Variants in CAMK1D observed in about 807,000 individuals in gnomAD.
The protein encoded by CAMK1D is calcium/calmodulin-dependent protein kinase type 1D.
A neutral mutation model predicts 47.7 loss-of-function variants in CAMK1D; 9 were observed. The ratio of observed to expected loss-of-function variants is 0.19; its 90% CI spans 0.11 to 0.33. The LOEUF is 0.33. Among genes scored for constraint, CAMK1D ranks in the 10% least tolerant of loss-of-function variants. CAMK1D has a pLI of 1.00. For synonymous variants in CAMK1D, 184 were observed against 184.9 expected (o/e 0.99, Z 0.04); for missense variants, 291 against 488.7 (o/e 0.60, Z 3.81).
intron 2 of CAMK1D, among the ~76,000 whole-genome samples, chr10:12,615,600 T>G (rs550791993): frequency 3.3e-5 from 5 of 150,954 alleles, no homozygotes; most frequent in Non-Finnish European, 7.4e-5. Context: ...TGTATTGTGT[T>G]TGCAAGTATG....
intron 3 of CAMK1D, chr10:12,760,718 G>C (rs975258369): frequency 1.0e-5 from 5 of 482,592 alleles, no homozygotes; most frequent in African/African-American, 9.7e-5. Flanking sequence ...AGGTGTGGCT[G>C]GTCCGTGGAT....
intron 1 of CAMK1D, among the ~76,000 whole-genome samples, chr10:12,440,114 A>ACTTGT (rs969921674): frequency 2.6e-5 from 4 of 152,124 alleles, no homozygotes; most frequent in African/African-American, 9.7e-5. Flanking sequence ...AAACCATATC[A>ACTTGT]CTTGTCTTAC....
intron 1 of CAMK1D, among the ~76,000 whole-genome samples, chr10:12,436,445 C>A (rs1036313964): frequency 6.6e-6 from 1 of 152,168 alleles, no homozygotes; most frequent in African/African-American, 2.4e-5. Context: ...GGAAGCTGGT[C>A]GGAGGCATTA....
intron 3 of CAMK1D, among the ~76,000 whole-genome samples, chr10:12,744,004 C>G (rs1312416138): frequency 1.4e-5 from 2 of 146,744 alleles, no homozygotes; most frequent in African/African-American, 2.6e-5. Flanking sequence ...GCCTGGGTAA[C>G]AGAGTGAGAC....
chr10:12,687,438 G>A (rs748102018), intron 3 of CAMK1D, among the ~76,000 whole-genome samples: 2 of 152,112 alleles, frequency 1.3e-5, no homozygotes, highest in Admixed American at 1.3e-4. Context: ...TTCCCGTTAC[G>A]ACTTCAATAT....
chr10:12,406,889 C>T (rs1574114), intron 1 of CAMK1D, among the ~76,000 whole-genome samples: 63,094 of 151,860 alleles, frequency 0.42, 13,183 homozygotes, highest in Middle Eastern at 0.49. Flanking sequence ...ACTTGTTCCC[C>T]ATTTTCTCTG....
rs1228128999 is a variant in CAMK1D, at chr10:12,619,296, AT to A, written c.225-47428del. 7.0e-4 allele frequency among the ~76,000 whole-genome samples: 103 copies of A among 146,476 alleles called. No individual in the cohort carries two copies. In the Middle Eastern group the frequency reaches 0.011, roughly 15 times the overall value. On this transcript the variant is annotated intron_variant, in intron 2 of 10. Coordinates refer to ENST00000619168, the MANE Select transcript of CAMK1D (RefSeq NM_153498.4). Reference sequence around the variant, plus strand: ...AATGACCAAATTCACATAGAGCTGGATTTTTTTTTTTTGAGACGGGGTCTTG... The same window carrying A: ...AATGACCAAATTCACATAGAGCTGGATTTTTTTTTTTGAGACGGGGTCTTG...
intron 2 of CAMK1D, among the ~76,000 whole-genome samples, chr10:12,647,877 C>T (rs1839854771): frequency 6.6e-6 from 1 of 152,208 alleles, no homozygotes; most frequent in African/African-American, 2.4e-5. Context: ...CTGGGACCCT[C>T]CTCCTGAGAG....
intron 1 of CAMK1D, among the ~76,000 whole-genome samples, chr10:12,503,758 A>G (rs565611183): frequency 6.6e-6 from 1 of 152,288 alleles, no homozygotes; most frequent in South Asian, 2.1e-4. Context: ...TTTCAGGGTT[A>G]GGTCCATGGG....
At chr10:12,469,533 A>G (rs775936956) in intron 1 of CAMK1D, among the ~76,000 whole-genome samples, 2 of 152,136 alleles carry the variant, frequency 1.3e-5, no homozygotes, top group Non-Finnish European at 2.9e-5. Flanking sequence ...TGGCAAATAA[A>G]CAACCCACCT....
At position 12,685,957 on chromosome 10, in the gene CAMK1D, C is replaced by T. The variant is rs765638617; in HGVS notation, c.299+19147C>T. On this transcript the variant is annotated intron_variant, in intron 3 of 10. Coordinates refer to ENST00000619168, the MANE Select transcript of CAMK1D (RefSeq NM_153498.4). ...ACTTTGTTCCAGCACTTCCAGACTACAGCTGCCCCCTCTGCTATGGCCCAG... is the reference window on the plus strand; with the variant it reads ...ACTTTGTTCCAGCACTTCCAGACTATAGCTGCCCCCTCTGCTATGGCCCAG... Among the ~76,000 whole-genome samples the T allele has an allele frequency of 2.0e-5, 3 of 152,344 alleles. 1 individual carries two copies. The South Asian group carries it at 6.2e-4, about 32-fold the overall frequency.
At chr10:12,676,282 A>T (rs562494916) in intron 3 of CAMK1D, among the ~76,000 whole-genome samples, 3 of 152,320 alleles carry the variant, frequency 2.0e-5, no homozygotes, top group Admixed American at 2.0e-4. Context: ...GCTATCATGG[A>T]ATAACGGAAA....
intron 1 of CAMK1D, among the ~76,000 whole-genome samples, chr10:12,468,935 T>C (rs1156904041): frequency 6.6e-6 from 1 of 152,168 alleles, no homozygotes; most frequent in African/African-American, 2.4e-5. Context: ...TTTTTATTCA[T>C]TATTTAGCAG....
chr10:12,441,193 A>G (rs989839295), intron 1 of CAMK1D, among the ~76,000 whole-genome samples: 2 of 152,248 alleles, frequency 1.3e-5, no homozygotes. Context: ...TATGACTTAC[A>G]TTAATTTTTG....
chr10:12,762,911 T>A (rs1836574077), intron 4 of CAMK1D, among the ~76,000 whole-genome samples: 2 of 152,302 alleles, frequency 1.3e-5, no homozygotes, highest in Middle Eastern at 3.4e-3. Context: ...CAGCTCTCTC[T>A]GAACACGTTC....
chr10:12,565,735 T>G (rs1837102801), intron 2 of CAMK1D, among the ~76,000 whole-genome samples: 1 of 152,158 alleles, frequency 6.6e-6, no homozygotes, highest in Non-Finnish European at 1.5e-5. Flanking sequence ...GATGAGGAAT[T>G]TGGACTTATT....
chr10:12,482,627 C>T (rs1834097948), intron 1 of CAMK1D, among the ~76,000 whole-genome samples: 1 of 152,118 alleles, frequency 6.6e-6, no homozygotes, highest in African/African-American at 2.4e-5. Flanking sequence ...TGGGTTTTTT[C>T]CCCCATATGC....
rs572381661 is a variant in CAMK1D, at chr10:12,393,124, C to T, written c.92+43214C>T. 6.6e-5 allele frequency among the ~76,000 whole-genome samples: 10 copies of T among 151,984 alleles called. No individual in the cohort carries two copies. The East Asian group carries it at 9.7e-4, about 15-fold the overall frequency. Reference sequence around the variant, plus strand: ...TCTGCTCACTCCAAGCTCCGCCTCCCGGGTTCACGCCATTCTCCTGCCTCA... The same window carrying T: ...TCTGCTCACTCCAAGCTCCGCCTCCTGGGTTCACGCCATTCTCCTGCCTCA... On this transcript the variant is annotated intron_variant, in intron 1 of 10. Coordinates refer to ENST00000619168, the MANE Select transcript of CAMK1D (RefSeq NM_153498.4).
intron 1 of CAMK1D, among the ~76,000 whole-genome samples, chr10:12,507,738 C>T (rs888641088): frequency 6.6e-5 from 10 of 152,214 alleles, no homozygotes; most frequent in African/African-American, 2.4e-4. Flanking sequence ...TGGGCCCTTC[C>T]TGTGGTTCCC....
Sources: gnomAD v4.1 joint callset for allele counts (sites outside exome capture counted in the v4.1 genomes callset) on GRCh38, gnomAD v4.1.1 for gene constraint, MANE v1.5 for transcripts, NCBI Gene and HGNC (gene_info 2026-07-23, HGNC 2026-07-21) for gene names.